RBFOX1: variants seen among roughly 807,000 people sequenced by gnomAD.
RBFOX1 encodes RNA binding protein fox-1 homolog 1.
RBFOX1 carries 8 observed loss-of-function variants against 57.7 expected under a neutral mutation model. The ratio of observed to expected loss-of-function variants is 0.14; its 90% confidence interval spans 0.08 to 0.25. RBFOX1 has a LOEUF of 0.25. Ranked by LOEUF, RBFOX1 falls within the 10% of genes least tolerant of loss-of-function variation. RBFOX1 has a pLI of 1.00. For synonymous variants in RBFOX1, 326 were observed against 222.4 expected (o/e 1.47, Z -4.15); for missense variants, 611 against 548.5 (o/e 1.11, Z -1.14).
At chr16:6,278,841 A>G (rs899277915) in intron 1 of RBFOX1, among the ~76,000 whole-genome samples, 1 of 152,248 alleles carries the variant, frequency 6.6e-6, no homozygotes, top group Admixed American at 6.5e-5. Flanking sequence ...TAAGGTTCAT[A>G]AAAGCCCAAT....
intron 4 of RBFOX1, among the ~76,000 whole-genome samples, chr16:7,304,910 GGTGTGGTGT>G (rs754417841): frequency 2.8e-4 from 35 of 126,110 alleles, no homozygotes; most frequent in Admixed American, 1.0e-3. Context: ...TGTGGTGTGT[GGTGTGGTGT>G]GTGTGTGTGT....
chr16:5,913,492 C>G (rs534717016), intron 4 of RBFOX1, among the ~76,000 whole-genome samples: 8 of 152,176 alleles, frequency 5.3e-5, no homozygotes, highest in Non-Finnish European at 7.4e-5. Flanking sequence ...TCTCTTGCTT[C>G]CTCTTCCTTG....
At chr16:6,874,426 C>T (rs779740909) in intron 3 of RBFOX1, among the ~76,000 whole-genome samples, 1 of 143,440 alleles carries the variant, frequency 7.0e-6, no homozygotes, top group Non-Finnish European at 1.5e-5. Context: ...AGGAGAACTG[C>T]TTGAATCCAG....
chr16:5,662,819 C>T (rs2049701445), intron 3 of RBFOX1, among the ~76,000 whole-genome samples: 1 of 152,176 alleles, frequency 6.6e-6, no homozygotes, highest in Admixed American at 6.5e-5. Context: ...TGTGTAGTGG[C>T]CCCTTTGCTT....
chr16:5,336,814 G>A (rs993636476), intron 1 of RBFOX1, among the ~76,000 whole-genome samples: 5 of 152,116 alleles, frequency 3.3e-5, no homozygotes, highest in African/African-American at 1.2e-4. Context: ...ACTCTCAGGT[G>A]GACTTTAAAT....
intron 1 of RBFOX1, among the ~76,000 whole-genome samples, chr16:5,428,779 T>C (rs2067641237): frequency 6.6e-6 from 1 of 152,192 alleles, no homozygotes; most frequent in Non-Finnish European, 1.5e-5. Context: ...TAACTTGCTA[T>C]GTAACAATTT....
chr16:5,627,586 G>A (rs1341775574), intron 3 of RBFOX1, among the ~76,000 whole-genome samples: 1 of 152,012 alleles, frequency 6.6e-6, no homozygotes, highest in Non-Finnish European at 1.5e-5. Flanking sequence ...TAATAAATAA[G>A]CAACAACCTT....
At chr16:6,822,593 C>T (rs1266744257) in intron 3 of RBFOX1, among the ~76,000 whole-genome samples, 1 of 152,168 alleles carries the variant, frequency 6.6e-6, no homozygotes, top group Non-Finnish European at 1.5e-5. Context: ...CATTTTATTT[C>T]CCATCACAAT....
At chr16:6,548,108 C>T (rs1048468014) in intron 2 of RBFOX1, among the ~76,000 whole-genome samples, 1 of 152,222 alleles carries the variant, frequency 6.6e-6, no homozygotes, top group Non-Finnish European at 1.5e-5. Flanking sequence ...ACATATTTCA[C>T]ATACTGAAGG....
chr16:6,557,080 T>C (rs1008227394), intron 2 of RBFOX1, among the ~76,000 whole-genome samples: 3 of 142,846 alleles, frequency 2.1e-5, no homozygotes, highest in East Asian at 2.4e-4. Context: ...TATATACATA[T>C]ATACATACAT....
intron 2 of RBFOX1, among the ~76,000 whole-genome samples, chr16:5,485,595 A>C (rs1490658260): frequency 6.6e-6 from 1 of 152,226 alleles, no homozygotes; most frequent in African/African-American, 2.4e-5. Context: ...ATTATACCTC[A>C]AAGAGAATTC....
intron 1 of RBFOX1, among the ~76,000 whole-genome samples, chr16:6,230,495 C>T (rs2097451023): frequency 6.6e-6 from 1 of 152,138 alleles, no homozygotes; most frequent in Non-Finnish European, 1.5e-5. Flanking sequence ...GTGTATTAGT[C>T]AGTGTCTGCT....
chr16:5,887,950 C>T (rs552736572), intron 4 of RBFOX1, among the ~76,000 whole-genome samples: 4 of 152,342 alleles, frequency 2.6e-5, no homozygotes, highest in South Asian at 2.1e-4. Context: ...GGACCACACA[C>T]ACACATCAAA....
chr16:5,816,831 C>T (rs1447189674), intron 3 of RBFOX1, among the ~76,000 whole-genome samples: 2 of 152,080 alleles, frequency 1.3e-5, no homozygotes, highest in Non-Finnish European at 2.9e-5. Flanking sequence ...AGATGCTATT[C>T]TGTCCTCTCT....
At chr16:7,408,961 C>A (rs1410150333) in intron 4 of RBFOX1, among the ~76,000 whole-genome samples, 3 of 152,182 alleles carry the variant, frequency 2.0e-5, no homozygotes, top group Non-Finnish European at 4.4e-5. Context: ...CCCAGGTGAA[C>A]TTTTCTTCTT....
chr16:5,375,958 G>A (rs1185635455), intron 1 of RBFOX1, among the ~76,000 whole-genome samples: 2 of 152,010 alleles, frequency 1.3e-5, no homozygotes, highest in South Asian at 4.1e-4. Flanking sequence ...TTTGAGGTCG[G>A]GAGTCTGAGA....
At chr16:5,801,094 G>A (rs1567558971) in intron 3 of RBFOX1, among the ~76,000 whole-genome samples, 1 of 152,184 alleles carries the variant, frequency 6.6e-6, no homozygotes, top group Non-Finnish European at 1.5e-5. Flanking sequence ...CCCGCCCAGA[G>A]TGTGTACGGA....
intron 4 of RBFOX1, among the ~76,000 whole-genome samples, chr16:7,127,555 G>A (rs569418808): frequency 7.2e-5 from 11 of 152,256 alleles, no homozygotes; most frequent in African/African-American, 1.9e-4. Flanking sequence ...GTGTATGCAC[G>A]AGCGTGCATG....
At chr16:7,638,521 C>T (rs1356956976) in intron 11 of RBFOX1, among the ~76,000 whole-genome samples, 1 of 152,148 alleles carries the variant, frequency 6.6e-6, no homozygotes, top group Non-Finnish European at 1.5e-5. Context: ...TCTATTTGGG[C>T]CAAGGCTGTG....
Sources: allele counts gnomAD v4.1 joint callset (sites outside exome capture counted in the v4.1 genomes callset), GRCh38; gene constraint gnomAD v4.1.1; transcripts MANE v1.5; gene names NCBI Gene and HGNC (gene_info 2026-07-23, HGNC 2026-07-21).